Variants in ARSB observed in about 807,000 individuals in gnomAD.
ARSB encodes the protein N-acetylgalactosamine-4-sulfatase.
A neutral mutation model predicts 50.9 loss-of-function variants in ARSB; 41 were observed. The ratio of observed to expected loss-of-function variants is 0.81; its 90% CI spans 0.63 to 1.04. The LOEUF is 1.04. ARSB is among the 50% of genes least tolerant of loss of function. The pLI is 0.00. For missense variants in ARSB, 672 were observed against 693.3 expected (o/e 0.97, Z 0.35); for synonymous variants, 269 against 284.8 (o/e 0.94, Z 0.56).
Position 78,926,969 on chromosome 5 carries a change from C to T in ARSB, c.898+28326G>A, listed in dbSNP as rs367704074. The stretch of plus-strand genomic sequence containing the variant: ...TGATCACCACTCACTGCAGCCTTGA[C>T]CTCCCTGGCTCAGTCAATCCTCCCA... On this transcript the variant is annotated intron_variant, in intron 4 of 7. Coordinates refer to ENST00000264914, the MANE Select transcript of ARSB (RefSeq NM_000046.5). Among the ~76,000 whole-genome samples the T allele has an allele frequency of 9.9e-4, 151 of 152,318 alleles. 1 individual carries two copies. Among genetic ancestry groups the T allele is most frequent in the African/African-American group, 3.4e-3 (143 of 41,568 alleles).
At chr5:78,809,804 C>T (rs1357282185) in intron 6 of ARSB, among the ~76,000 whole-genome samples, 1 of 152,264 alleles carries the variant, frequency 6.6e-6, no homozygotes, top group Non-Finnish European at 1.5e-5. Context: ...GGCCTGTAGG[C>T]CTGGCCTTGA....
At chr5:78,932,000 A>G (rs1750346287) in intron 4 of ARSB, among the ~76,000 whole-genome samples, 1 of 152,134 alleles carries the variant, frequency 6.6e-6, no homozygotes, top group Non-Finnish European at 1.5e-5. Flanking sequence ...CTCCCCAGCC[A>G]TGTGGAACTG....
intron 5 of ARSB, among the ~76,000 whole-genome samples, chr5:78,853,893 G>C (rs567270694): frequency 6.6e-6 from 1 of 152,240 alleles, no homozygotes; most frequent in East Asian, 1.9e-4. Context: ...CTAGTGTGCC[G>C]TTTTTTAAGC....
At chr5:78,940,704 G>C (rs1470326108) in intron 4 of ARSB, among the ~76,000 whole-genome samples, 1 of 152,202 alleles carries the variant, frequency 6.6e-6, no homozygotes. Flanking sequence ...AGCATAGTTT[G>C]AAGTCAGGTA....
intron 6 of ARSB, chr5:78,816,238 G>C: frequency 1.3e-6 from 2 of 1,567,988 alleles, no homozygotes. Context: ...ATTCCTAAAG[G>C]GCAAGGACTG....
chr5:78,847,335 C>G (rs539517672), intron 5 of ARSB, among the ~76,000 whole-genome samples: 1 of 152,188 alleles, frequency 6.6e-6, no homozygotes, highest in Admixed American at 6.5e-5. Flanking sequence ...CTCTGCTGCC[C>G]AGGCTGGTCT....
chr5:78,872,784 G>A (rs1362444158), intron 5 of ARSB, among the ~76,000 whole-genome samples: 1 of 144,152 alleles, frequency 6.9e-6, no homozygotes, highest in Non-Finnish European at 1.5e-5. Context: ...CCTGCACAAT[G>A]TGCACATGTA....
chr5:78,896,634 T>C (rs929104715), intron 4 of ARSB, among the ~76,000 whole-genome samples: 5 of 152,218 alleles, frequency 3.3e-5, no homozygotes, highest in African/African-American at 1.2e-4. Flanking sequence ...GTTAAATCCA[T>C]TTTTATTGTT....
At chr5:78,985,319 G>T, upstream of ARSB, 1 of 1,210,802 alleles carries the variant, frequency 8.3e-7, no homozygotes, top group Non-Finnish European at 1.0e-6. Context: ...ATGAGGAACT[G>T]GGCTGCCGGG....
intron 5 of ARSB, among the ~76,000 whole-genome samples, chr5:78,841,153 C>CTAATAATAATAATAATAA (rs1470455538): frequency 9.5e-6 from 1 of 105,320 alleles, no homozygotes; most frequent in Non-Finnish European, 2.1e-5. Flanking sequence ...ACTACTACTA[C>CTAATAATAATAATAATAA]TACTACTACT....
At chr5:78,962,642 C>T (rs553732569) in intron 3 of ARSB, among the ~76,000 whole-genome samples, 1 of 151,712 alleles carries the variant, frequency 6.6e-6, no homozygotes, top group African/African-American at 2.4e-5. Context: ...ATTCTCCTGC[C>T]TCAACCTCCA....
chr5:78,785,232 TA>T lies in ARSB; in HGVS notation c.1214-3259del, dbSNP rs542739523. Among the ~76,000 whole-genome samples, 608 of 150,486 alleles carry T rather than the reference TA, an allele frequency of 4.0e-3. 6 individuals carry two copies. The highest frequency in any genetic ancestry group is 0.014 in the African/African-American group (567 of 40,668). ...TTTATTTTCTTTGGGCTTAATTTGT[TA>T]TTTTTTTTATAACCTTTTGAATAAC... On this transcript the variant is annotated intron_variant, in intron 6 of 7. Coordinates refer to ENST00000264914, the MANE Select transcript of ARSB (RefSeq NM_000046.5).
intron 5 of ARSB, among the ~76,000 whole-genome samples, chr5:78,842,030 G>A (rs78339699): frequency 0.02 from 3,041 of 152,194 alleles, 99 homozygotes; most frequent in African/African-American, 0.068. Context: ...GAGGTAGAGA[G>A]GGATTGTGGA....
intron 6 of ARSB, among the ~76,000 whole-genome samples, chr5:78,782,754 G>T (rs1748962877): frequency 6.6e-6 from 1 of 152,198 alleles, no homozygotes; most frequent in African/African-American, 2.4e-5. Context: ...TACAGCTTCA[G>T]ATCTGTAGCA....
Position 78,858,067 on chromosome 5 carries a change from G to A in ARSB, c.1143-18641C>T, listed in dbSNP as rs1469848846. Among the ~76,000 whole-genome samples, 3 of 152,144 alleles carry A rather than the reference G, an allele frequency of 2.0e-5. No homozygotes were observed. In the East Asian group the frequency reaches 5.8e-4, roughly 29 times the overall value. ...TTGAGCAGGTGACAGGACTGGGTTT[G>A]GAGCTCAGGCAGACTGACCCCCAAA... On this transcript the variant is annotated intron_variant, in intron 5 of 7. Transcript: ENST00000264914.
chr5:78,919,241 C>T (rs1166519993), intron 4 of ARSB, among the ~76,000 whole-genome samples: 1 of 152,204 alleles, frequency 6.6e-6, no homozygotes, highest in Non-Finnish European at 1.5e-5. Context: ...CTGTGGGGAC[C>T]ACATAGTCCT....
chr5:78,919,685 G>A lies in ARSB; in HGVS notation c.899-33858C>T, dbSNP rs1749711347. On this transcript the variant is annotated intron_variant, in intron 4 of 7. Coordinates refer to ENST00000264914, the MANE Select transcript of ARSB (RefSeq NM_000046.5). The stretch of plus-strand genomic sequence containing the variant: ...TTTTTGTATTTTTAGTAGAGACGGG[G>A]ATTCACCATGTTGGTCAGGCTGGTC... Among the ~76,000 whole-genome samples, 3 of 152,166 alleles carry A rather than the reference G, an allele frequency of 2.0e-5. 1 individual carries two copies. In the South Asian group the frequency reaches 6.2e-4, roughly 32 times the overall value.
At chr5:78,806,253 AG>A (rs1743556663) in intron 6 of ARSB, among the ~76,000 whole-genome samples, 2 of 152,266 alleles carry the variant, frequency 1.3e-5, no homozygotes, top group South Asian at 4.1e-4. Flanking sequence ...ACAATAACAA[AG>A]TCACAGTGTC....
chr5:78,794,071 T>C (rs2112635515), intron 6 of ARSB, among the ~76,000 whole-genome samples: 1 of 152,210 alleles, frequency 6.6e-6, no homozygotes, highest in Middle Eastern at 3.4e-3. Context: ...CAACCTTAAC[T>C]TGAGCATAAA....
Sources: gnomAD v4.1 joint callset for allele counts (sites outside exome capture counted in the v4.1 genomes callset) on GRCh38, gnomAD v4.1.1 for gene constraint, MANE v1.5 for transcripts, NCBI Gene and HGNC (gene_info 2026-07-23, HGNC 2026-07-21) for gene names.